CCL18: variants seen among roughly 807,000 people sequenced by gnomAD.
CCL18 encodes the protein C-C motif chemokine ligand 18, also known as C-C motif chemokine 18.
A neutral mutation model predicts 8.0 loss-of-function variants in CCL18; 7 were observed. The ratio of observed to expected loss-of-function variants is 0.87; its 90% confidence interval spans 0.50 to 1.64. The LOEUF is 1.64. Ranked by LOEUF, CCL18 falls within the 40% of genes most tolerant of loss-of-function variation. CCL18 has a pLI of 0.00. For missense variants in CCL18, 95 were observed against 107.8 expected, an observed-to-expected ratio of 0.88 and a Z score of 0.52; for synonymous variants, 35 against 41.3, an observed-to-expected ratio of 0.85 and a Z score of 0.59.
chr17:36,066,524 T>C (rs1320932177), intron 1 of CCL18, among the ~76,000 whole-genome samples: 2 of 152,228 alleles, frequency 1.3e-5, no homozygotes, highest in Non-Finnish European at 2.9e-5. Context: ...GTTAAGTGCA[T>C]GGTGTCTTGC....
intron 1 of CCL18, among the ~76,000 whole-genome samples, chr17:36,068,730 A>T (rs2066850256): frequency 6.6e-6 from 1 of 152,210 alleles, no homozygotes. Context: ...CCACGAGGTG[A>T]CAAGCTCAAA....
chr17:36,070,931 T>A lies in CCL18; in HGVS notation c.180-20T>A. On this transcript the variant is annotated intron_variant, in intron 2 of 2. Coordinates refer to ENST00000616054, the MANE Select transcript of CCL18 (RefSeq NM_002988.4). ...CCTGATGAATTCGTCAGTTCTTAACTCTTCCTCCCTTCTCCACAGCCTCCT... is the reference window on the plus strand; with the variant it reads ...CCTGATGAATTCGTCAGTTCTTAACACTTCCTCCCTTCTCCACAGCCTCCT... 1 of 1,580,978 alleles carries A rather than the reference T, an allele frequency of 6.3e-7. No homozygotes were observed. The highest frequency in any genetic ancestry group is 8.7e-7 in the Non-Finnish European group (1 of 1,149,782).
At chr17:36,067,143 AT>A (rs2066841802) in intron 1 of CCL18, among the ~76,000 whole-genome samples, 2 of 152,166 alleles carry the variant, frequency 1.3e-5, no homozygotes, top group African/African-American at 4.8e-5. Context: ...GACAAGAATG[AT>A]GGGGCCAGGC....
intron 1 of CCL18, among the ~76,000 whole-genome samples, chr17:36,068,906 C>T (rs1055629550): frequency 3.3e-5 from 5 of 152,090 alleles, no homozygotes; most frequent in African/African-American, 4.8e-5. Context: ...GTTGCCCAGG[C>T]TGGAGTGCAG....
chr17:36,065,852 C>T (rs1349196251), intron 1 of CCL18, among the ~76,000 whole-genome samples: 1 of 152,206 alleles, frequency 6.6e-6, no homozygotes, highest in African/African-American at 2.4e-5. Flanking sequence ...GAGTATAGCT[C>T]TTGGAATGGC....
At chr17:36,070,585 C>A (rs1461818176) in intron 2 of CCL18, 27 bp downstream of exon 2, 6 of 1,385,112 alleles carry the variant, frequency 4.3e-6, no homozygotes, top group Non-Finnish European at 6.2e-6. Flanking sequence ...CTGCCCACCC[C>A]TCGGGAGGGA....
chr17:36,068,776 A>C (rs2066850392), intron 1 of CCL18, among the ~76,000 whole-genome samples: 1 of 152,138 alleles, frequency 6.6e-6, no homozygotes, highest in Admixed American at 6.6e-5. Context: ...GGAAGGGGAG[A>C]TGTTTTAAGA....
chr17:36,070,639 T>C, intron 2 of CCL18, 81 bp downstream of exon 2: 1 of 874,100 alleles, frequency 1.1e-6, no homozygotes. Flanking sequence ...TACTCAGCTC[T>C]CTAAGGCCCA....
chr17:36,071,736 A>G lies in CCL18; in HGVS notation c.*695A>G, dbSNP rs2066868119. 1 of 152,274 alleles carries G rather than the reference A, an allele frequency of 6.6e-6. No homozygotes were observed. The highest frequency in any genetic ancestry group is 2.1e-4 in the South Asian group (1 of 4,836). 9.4% of individuals were successfully genotyped at this position (152,274 alleles called of 1,614,324 possible). A position where few individuals can be genotyped will look rare whatever the true frequency, so the allele number is the denominator to read the frequency against. On this transcript the variant is annotated 3_prime_UTR_variant, in exon 3 of 3. Coordinates refer to ENST00000616054, the MANE Select transcript of CCL18 (RefSeq NM_002988.4). Reference sequence around the variant, plus strand: ...GAATATCAAGATGACGCTGCAATGCATATTTACGCACACAAGCTCATTTTC... The same window carrying G: ...GAATATCAAGATGACGCTGCAATGCGTATTTACGCACACAAGCTCATTTTC...
intron 1 of CCL18, among the ~76,000 whole-genome samples, chr17:36,065,956 G>A (rs538700630): frequency 2.0e-5 from 3 of 152,162 alleles, no homozygotes; most frequent in African/African-American, 7.2e-5. Flanking sequence ...CGCTGTAGGA[G>A]TAGAGCTTCT....
At chr17:36,065,110 T>C (rs1276932240) in intron 1 of CCL18, among the ~76,000 whole-genome samples, 2 of 152,218 alleles carry the variant, frequency 1.3e-5, no homozygotes, top group East Asian at 1.9e-4. Context: ...TCCCAGTAGA[T>C]GCACTGCAAA....
At chr17:36,065,112 C>T (rs1306582570) in intron 1 of CCL18, among the ~76,000 whole-genome samples, 1 of 152,182 alleles carries the variant, frequency 6.6e-6, no homozygotes, top group African/African-American at 2.4e-5. Context: ...CCAGTAGATG[C>T]ACTGCAAATT....
At position 36,071,061 on chromosome 17, in the gene CCL18, G is replaced by A; in HGVS notation, c.*20G>A. The A allele has an allele frequency of 6.3e-7, 1 of 1,584,716 alleles. No individual in the cohort carries two copies. The highest frequency in any genetic ancestry group is 2.2e-5 in the East Asian group (1 of 44,714). ...GCCTGAGGGGCCTGGAAGCTGCGAG[G>A]GCCCAGTGAACTTGGTGGGCCCAGG... On this transcript the variant is annotated 3_prime_UTR_variant, in exon 3 of 3. Coordinates refer to ENST00000616054, the MANE Select transcript of CCL18 (RefSeq NM_002988.4).
intron 1 of CCL18, 123 bp from the exon 2 acceptor site, chr17:36,070,324 C>T (rs377614271): frequency 1.6e-6 from 1 of 607,422 alleles, no homozygotes; most frequent in Admixed American, 2.8e-5. Context: ...CTCTTTGTCC[C>T]TATATCCCCA....
chr17:36,071,059 A>G lies in CCL18; in HGVS notation c.*18A>G, dbSNP rs756284141. The G allele has an allele frequency of 6.3e-6, 10 of 1,588,214 alleles. No homozygotes were observed. The highest frequency in any genetic ancestry group is 4.5e-5 in the East Asian group (2 of 44,746). On this transcript the variant is annotated 3_prime_UTR_variant, in exon 3 of 3. Coordinates refer to ENST00000616054, the MANE Select transcript of CCL18 (RefSeq NM_002988.4). Reference sequence around the variant, plus strand: ...ATGCCTGAGGGGCCTGGAAGCTGCGAGGGCCCAGTGAACTTGGTGGGCCCA... The same window carrying G: ...ATGCCTGAGGGGCCTGGAAGCTGCGGGGGCCCAGTGAACTTGGTGGGCCCA...
At position 36,070,958 on chromosome 17, in the gene CCL18, A is replaced by C; in HGVS notation, c.187A>C (p.Thr63Pro). 1 of 1,612,606 alleles carries C rather than the reference A, an allele frequency of 6.2e-7. No individual in the cohort carries two copies. Among genetic ancestry groups the C allele is most frequent in the Non-Finnish European group, 8.5e-7 (1 of 1,178,582 alleles). Residue 63 changes from threonine (T) to proline (P), a missense_variant, in exon 3 of 3, where the codon ACC (threonine) becomes CCC (proline). By Grantham distance (38) the Thr-to-Pro change is conservative. Coordinates refer to ENST00000616054, the MANE Select transcript of CCL18 (RefSeq NM_002988.4). ...TTCCTCCCTTCTCCACAGCCTCCTA[A>C]CCAAGAGAGGCCGGCAGATCTGTGC... ...QCPKPGVILL[T>P]KRGRQICADP...
intron 1 of CCL18, among the ~76,000 whole-genome samples, chr17:36,066,824 T>C (rs774076950): frequency 1.4e-4 from 21 of 152,356 alleles, no homozygotes; most frequent in Middle Eastern, 3.4e-3. Flanking sequence ...AACCACACCC[T>C]GGGTGAAAAG....
Position 36,071,368 on chromosome 17 carries a change from T to C in CCL18, c.*327T>C. ...GTGTGATTAGCTTTCTCAGCAGACA[T>C]TGTGCCATATGTATCAAATGACAAA... On this transcript the variant is annotated 3_prime_UTR_variant, in exon 3 of 3. Coordinates refer to ENST00000616054, the MANE Select transcript of CCL18 (RefSeq NM_002988.4). The C allele has an allele frequency of 3.7e-6, 1 of 269,606 alleles. No homozygotes were observed. 16.7% of individuals were successfully genotyped at this position (269,606 alleles called of 1,614,324 possible). A position where few individuals can be genotyped will look rare whatever the true frequency, so the allele number is the denominator to read the frequency against.
chr17:36,064,292 G>T lies in CCL18; in HGVS notation c.-51G>T. Reference sequence around the variant, plus strand: ...ACCCCAGAAGGAGGCCAGGAGTTGTGAGTTTCCAAGCCCCAGCTCACTCTG... The same window carrying T: ...ACCCCAGAAGGAGGCCAGGAGTTGTTAGTTTCCAAGCCCCAGCTCACTCTG... On this transcript the variant is annotated 5_prime_UTR_variant, in exon 1 of 3. Transcript: ENST00000616054. 1 of 1,441,946 alleles carries T rather than the reference G, an allele frequency of 6.9e-7. No individual in the cohort carries two copies. 89.3% of individuals were successfully genotyped at this position (1,441,946 alleles called of 1,614,324 possible).
Sources: allele counts gnomAD v4.1 joint callset (sites outside exome capture counted in the v4.1 genomes callset), GRCh38; gene constraint gnomAD v4.1.1; transcripts MANE v1.5; gene names NCBI Gene and HGNC (gene_info 2026-07-23, HGNC 2026-07-21).